MARCHF1: variants seen among roughly 807,000 people sequenced by gnomAD.
MARCHF1 encodes the protein E3 ubiquitin-protein ligase MARCHF1.
MARCHF1 carries 40 observed loss-of-function variants against 54.2 expected under a neutral mutation model. The ratio of observed to expected loss-of-function variants is 0.74; its 90% CI spans 0.57 to 0.96. The LOEUF (loss-of-function observed/expected upper bound fraction) is 0.96. Ranked by LOEUF, MARCHF1 falls within the 40% of genes least tolerant of loss-of-function variation. The pLI is 0.00. For synonymous variants in MARCHF1, 236 were observed against 236.3 expected (o/e 1.00, Z 0.01); for missense variants, 586 against 656.5 (o/e 0.89, Z 1.17).
intron 1 of MARCHF1, among the ~76,000 whole-genome samples, chr4:164,234,486 C>A (rs116369040): frequency 6.6e-6 from 1 of 152,048 alleles, no homozygotes; most frequent in Non-Finnish European, 1.5e-5. Context: ...TTTATTGACA[C>A]TCCTATGATA....
At chr4:164,123,093 C>T (rs568297191) in intron 1 of MARCHF1, among the ~76,000 whole-genome samples, 9 of 152,182 alleles carry the variant, frequency 5.9e-5, no homozygotes, top group Non-Finnish European at 7.4e-5. Context: ...TATTAGAACT[C>T]GTAAGCAAAT....
intron 1 of MARCHF1, among the ~76,000 whole-genome samples, chr4:164,316,377 T>C (rs1157814920): frequency 6.6e-6 from 1 of 152,200 alleles, no homozygotes; most frequent in South Asian, 2.1e-4. Flanking sequence ...CTAGTTAGTA[T>C]TCAGATCTCA....
At chr4:164,116,751 A>G (rs1438322305) in intron 1 of MARCHF1, among the ~76,000 whole-genome samples, 1 of 152,106 alleles carries the variant, frequency 6.6e-6, no homozygotes, top group Non-Finnish European at 1.5e-5. Flanking sequence ...TAGAGAAAAA[A>G]ATACACAAGA....
At chr4:164,028,202 C>G (rs553818222) in intron 2 of MARCHF1, among the ~76,000 whole-genome samples, 152 of 152,142 alleles carry the variant, frequency 1.0e-3, no homozygotes, top group Non-Finnish European at 1.9e-3. Context: ...ACAATTTGAC[C>G]TAGAATTCCC....
chr4:163,618,769 A>G (rs1362538452), intron 5 of MARCHF1, among the ~76,000 whole-genome samples: 2 of 152,204 alleles, frequency 1.3e-5, no homozygotes, highest in South Asian at 2.1e-4. Context: ...CTCTGGAAAT[A>G]AAGAAACAGA....
At chr4:163,994,286 G>A (rs1753023192) in intron 2 of MARCHF1, among the ~76,000 whole-genome samples, 1 of 151,202 alleles carries the variant, frequency 6.6e-6, no homozygotes, top group African/African-American at 2.4e-5. Context: ...GTGTGTGTGT[G>A]TGTGTGTGTG....
intron 1 of MARCHF1, among the ~76,000 whole-genome samples, chr4:164,140,342 A>C (rs2110855277): frequency 6.6e-6 from 1 of 152,106 alleles, no homozygotes; most frequent in South Asian, 2.1e-4. Flanking sequence ...AAAGCCTTGA[A>C]CTTGAGAAAT....
rs1741382145 is a variant in MARCHF1 at position 163,612,649 on chromosome 4, T to A, written c.632A>T (p.Asp211Val). 1 of 1,535,492 alleles carries A rather than the reference T, an allele frequency of 6.5e-7. No individual in the cohort carries two copies. The highest frequency in any genetic ancestry group is 8.7e-7 in the Non-Finnish European group (1 of 1,146,550). Residue 211 changes from aspartate to valine, a missense_variant, in exon 7 of 10, where the codon GAT (aspartate) becomes GTT (valine). Asp to Val is a radical substitution (Grantham distance 152, BLOSUM62 -3). Around this residue, in one of 3 missense-constraint regions of MARCHF1, gnomAD observed 387 missense variants for 394.6 expected, o/e 0.98. Coordinates refer to ENST00000514618, the MANE Select transcript of MARCHF1 (RefSeq NM_001394959.1). ...SSTPNGIELVDLGSKGKEQQE... is the reference protein window; with the variant it reads ...SSTPNGIELVVLGSKGKEQQE... ...TTGCTCTTTACCTTTGGATCCCAGA[T>A]CAACGAGCTCAATTCCGTTAGGAGT...
chr4:164,008,522 C>T (rs561988178), intron 2 of MARCHF1, among the ~76,000 whole-genome samples: 1 of 151,994 alleles, frequency 6.6e-6, no homozygotes, highest in South Asian at 2.1e-4. Context: ...CCAACTGCTG[C>T]AGAATATTAA....
intron 2 of MARCHF1, among the ~76,000 whole-genome samples, chr4:164,015,859 T>C (rs1753527946): frequency 6.7e-6 from 1 of 149,584 alleles, no homozygotes; most frequent in Non-Finnish European, 1.5e-5. Flanking sequence ...AAATGTAAGT[T>C]ACCAACATAC....
chr4:164,085,933 GTTTC>G (rs1328142017), intron 2 of MARCHF1, among the ~76,000 whole-genome samples: 1 of 151,438 alleles, frequency 6.6e-6, no homozygotes, highest in East Asian at 1.9e-4. Flanking sequence ...CAAACTTCCT[GTTTC>G]TTTCAGTTAT....
intron 5 of MARCHF1, among the ~76,000 whole-genome samples, chr4:163,652,258 T>C (rs1742993744): frequency 6.6e-6 from 1 of 151,868 alleles, no homozygotes; most frequent in East Asian, 1.9e-4. Context: ...GATGTTGTTG[T>C]CTTCCCTAAC....
chr4:164,207,169 C>A (rs1157434382), intron 1 of MARCHF1, among the ~76,000 whole-genome samples: 1 of 152,106 alleles, frequency 6.6e-6, no homozygotes, highest in Non-Finnish European at 1.5e-5. Flanking sequence ...GTAATATATA[C>A]CAAGATAAGT....
intron 4 of MARCHF1, among the ~76,000 whole-genome samples, chr4:163,736,761 T>C (rs954832302): frequency 1.3e-5 from 2 of 152,200 alleles, no homozygotes; most frequent in Non-Finnish European, 2.9e-5. Flanking sequence ...TAAAAAATTA[T>C]AAAGTATTCA....
At chr4:163,563,666 C>G (rs1305084648) in intron 8 of MARCHF1, among the ~76,000 whole-genome samples, 8 of 152,170 alleles carry the variant, frequency 5.3e-5, no homozygotes, top group Non-Finnish European at 1.2e-4. Flanking sequence ...TCTGTCTAAG[C>G]CTCAGTTTTC....
Position 163,854,023 on chromosome 4 carries a change from A to C in MARCHF1, c.109T>G (p.Leu37Val). ...DLADASQTSTLNEKSPGRSAS... is the reference protein window; with the variant it reads ...DLADASQTSTVNEKSPGRSAS... ...AGGTAAAGTAACTTTCCACTCACCA[A>C]TGTGGAGGTTTGTGAGGCGTCAGCC... Residue 37 changes from leucine to valine, a missense_variant and splice_region_variant, in exon 4 of 10, where the codon TTG (leucine) becomes GTG (valine). Physicochemically the swap from Leu to Val is conservative, Grantham distance 32. Transcript: ENST00000514618. 6.5e-7 allele frequency: 1 copy of C among 1,536,694 alleles called. No individual in the cohort carries two copies. The highest frequency in any genetic ancestry group is 1.2e-5 in the South Asian group (1 of 83,998).
At chr4:163,845,403 G>GA (rs1749455052) in intron 4 of MARCHF1, among the ~76,000 whole-genome samples, 1 of 150,248 alleles carries the variant, frequency 6.7e-6, no homozygotes, top group African/African-American at 2.4e-5. Context: ...CAAAGACAAA[G>GA]AAGAAACCTT....
intron 1 of MARCHF1, among the ~76,000 whole-genome samples, chr4:164,351,799 G>A (rs527328672): frequency 7.6e-4 from 116 of 152,150 alleles, no homozygotes; most frequent in African/African-American, 2.1e-3. Flanking sequence ...GGCTTCAGAC[G>A]ATCAAATTAC....
At chr4:164,115,126 A>G (rs1579547264) in intron 1 of MARCHF1, among the ~76,000 whole-genome samples, 1 of 152,026 alleles carries the variant, frequency 6.6e-6, no homozygotes, top group East Asian at 1.9e-4. Context: ...TTTTATTCTG[A>G]TATTTTTCAG....
Sources: allele counts gnomAD v4.1 joint callset (sites outside exome capture counted in the v4.1 genomes callset), GRCh38; gene constraint gnomAD v4.1.1; regional missense constraint gnomAD v4.1.1; transcripts MANE v1.5; gene names NCBI Gene and HGNC (gene_info 2026-07-23, HGNC 2026-07-21).